HECW2: variants seen among roughly 807,000 people sequenced by gnomAD.
The protein encoded by HECW2 is HECT, C2 and WW domain containing E3 ubiquitin protein ligase 2, also known as E3 ubiquitin-protein ligase HECW2.
A neutral mutation model predicts 175.2 loss-of-function variants in HECW2; 61 were observed. That is an observed-to-expected ratio of 0.35 (90% CI 0.28 to 0.43). The LOEUF is 0.43. HECW2 is among the 20% of genes least tolerant of loss of function. The pLI is 1.00. For missense variants in HECW2, 1,524 were observed against 2,000.5 expected (o/e 0.76, Z 4.54); for synonymous variants, 671 against 731.0 (o/e 0.92, Z 1.32).
At chr2:196,331,986 T>TA (rs2105796569) in intron 4 of HECW2, among the ~76,000 whole-genome samples, 1 of 152,316 alleles carries the variant, frequency 6.6e-6, no homozygotes, top group African/African-American at 2.4e-5. Context: ...ATGGCAGCCT[T>TA]AATTTGTCCC....
intron 1 of HECW2, among the ~76,000 whole-genome samples, chr2:196,524,359 TTCTC>T (rs1433815694): frequency 1.9e-5 from 2 of 104,786 alleles, no homozygotes; most frequent in African/African-American, 1.3e-4. Flanking sequence ...TATTTGATTC[TTCTC>T]TCTTTTTTTC....
At chr2:196,447,481 A>G (rs1696220700) in intron 1 of HECW2, among the ~76,000 whole-genome samples, 2 of 152,222 alleles carry the variant, frequency 1.3e-5, no homozygotes, top group South Asian at 4.1e-4. Context: ...CTGGTAAAAG[A>G]TTCAGGAATT....
intron 15 of HECW2, among the ~76,000 whole-genome samples, chr2:196,275,606 G>A (rs1689921150): frequency 6.6e-6 from 1 of 152,122 alleles, no homozygotes; most frequent in Non-Finnish European, 1.5e-5. Flanking sequence ...ACAAAAATTA[G>A]CCGGGCGCGG....
intron 1 of HECW2, among the ~76,000 whole-genome samples, chr2:196,510,401 T>C (rs1464055111): frequency 2.0e-5 from 3 of 152,098 alleles, no homozygotes; most frequent in Non-Finnish European, 2.9e-5. Context: ...AAGAATTTCA[T>C]AGTCTTACCA....
At chr2:196,393,196 A>G (rs1163873382) in intron 2 of HECW2, among the ~76,000 whole-genome samples, 4 of 152,262 alleles carry the variant, frequency 2.6e-5, no homozygotes, top group African/African-American at 9.6e-5. Flanking sequence ...TAAAATCCCT[A>G]GAAGAAAACC....
rs200812711 is a variant in HECW2 at position 196,569,340 on chromosome 2, T to TCTAAACTAAACTAAACTAAA, written c.-36+24148_-36+24167dup. ...CTGGGTGACAGAGTGAGACACTGTC[T>TCTAAACTAAACTAAACTAAA]CTAAACTAAACTAAACTAAACTAAA... On this transcript the variant is annotated intron_variant, in intron 1 of 28. Transcript: ENST00000644978. Among the ~76,000 whole-genome samples, 146 of 149,404 alleles carry TCTAAACTAAACTAAACTAAA rather than the reference T, an allele frequency of 9.8e-4. 1 individual carries two copies. The highest frequency in any genetic ancestry group is 6.8e-3 in the Middle Eastern group (2 of 292).
chr2:196,378,767 A>G (rs1025872887), intron 2 of HECW2, among the ~76,000 whole-genome samples: 1 of 152,268 alleles, frequency 6.6e-6, no homozygotes, highest in African/African-American at 2.4e-5. Flanking sequence ...TACAAAATTC[A>G]TAATTTTTCA....
In HECW2 at chr2:196,424,148, T is replaced by C. The variant is rs72912704; in HGVS notation, c.292+8984A>G. Among the ~76,000 whole-genome samples the C allele has an allele frequency of 8.4e-3, 1,279 of 152,150 alleles. 9 individuals carry two copies. The highest frequency in any genetic ancestry group is 0.012 in the Non-Finnish European group (840 of 67,946). On this transcript the variant is annotated intron_variant, in intron 2 of 28. Coordinates refer to ENST00000644978, the MANE Select transcript of HECW2 (RefSeq NM_001348768.2). ...GCCTGTCGTGATGATCTCTGATCAGTGGTCTTTTGATGATATTATTGTAAT... is the reference window on the plus strand; with the variant it reads ...GCCTGTCGTGATGATCTCTGATCAGCGGTCTTTTGATGATATTATTGTAAT...
rs1000294842 is a variant in HECW2 at position 196,201,011 on chromosome 2, C to T, written c.*266G>A. ...GTATGGGTTCATCTTTGTCTTGGAA[C>T]ATAACAAATGGAAAAAGTTTGGCAG... On this transcript the variant is annotated 3_prime_UTR_variant, in exon 29 of 29. Transcript: ENST00000644978. 29 of 357,924 alleles carry T rather than the reference C, an allele frequency of 8.1e-5. No individual in the cohort carries two copies. Among genetic ancestry groups the T allele is most frequent in the Non-Finnish European group, 1.3e-4 (25 of 187,080 alleles). The allele number at this position is 357,924 out of a possible 1,614,324, so 22.2% of individuals were successfully genotyped here. A position where few individuals can be genotyped will look rare whatever the true frequency, so the allele number is the denominator to read the frequency against.
At position 196,205,158 on chromosome 2, in the gene HECW2, G is replaced by A. The variant is rs192997505; in HGVS notation, c.4608-3770C>T. ...AACTTTCCTTCTAATAAACTAAACA[G>A]CTCCTCTGGAAAATATTTCGCGATG... On this transcript the variant is annotated intron_variant, in intron 28 of 28. Transcript: ENST00000644978. 6.3e-3 allele frequency among the ~76,000 whole-genome samples: 960 copies of A among 152,236 alleles called. 5 individuals carry two copies. Among genetic ancestry groups the A allele is most frequent in the Admixed American group, 0.014 (207 of 15,294 alleles).
At chr2:196,500,791 T>C (rs753120840) in intron 1 of HECW2, among the ~76,000 whole-genome samples, 1 of 152,204 alleles carries the variant, frequency 6.6e-6, no homozygotes, top group Admixed American at 6.5e-5. Flanking sequence ...CACACCTCCA[T>C]TTCTTGTCTG....
chr2:196,293,042 T>C (rs1690663711), intron 13 of HECW2, among the ~76,000 whole-genome samples: 1 of 152,184 alleles, frequency 6.6e-6, no homozygotes, highest in Admixed American at 6.5e-5. Flanking sequence ...AAGAGCACGT[T>C]TGTTAAATAG....
intron 1 of HECW2, among the ~76,000 whole-genome samples, chr2:196,510,965 T>C (rs1000310080): frequency 8.6e-6 from 1 of 116,236 alleles, no homozygotes; most frequent in Non-Finnish European, 1.7e-5. Context: ...GGGTTTGCTG[T>C]TGTTTGTTTG....
At chr2:196,337,872 A>C (rs1692610922) in intron 3 of HECW2, among the ~76,000 whole-genome samples, 1 of 152,148 alleles carries the variant, frequency 6.6e-6, no homozygotes, top group Non-Finnish European at 1.5e-5. Context: ...TCCCTTCTGG[A>C]CAGCTGAAGC....
chr2:196,275,216 A>C (rs949723222), intron 15 of HECW2, among the ~76,000 whole-genome samples: 13 of 152,186 alleles, frequency 8.5e-5, no homozygotes, highest in Non-Finnish European at 1.8e-4. Flanking sequence ...AGTTAAATAC[A>C]ACCTCCTCTG....
intron 1 of HECW2, among the ~76,000 whole-genome samples, chr2:196,556,418 A>C (rs1448193658): frequency 2.0e-5 from 3 of 152,180 alleles, no homozygotes; most frequent in Non-Finnish European, 2.9e-5. Flanking sequence ...TATAACTAGA[A>C]GTGTGTACCC....
intron 1 of HECW2, among the ~76,000 whole-genome samples, chr2:196,495,393 A>G (rs915829252): frequency 7.9e-5 from 12 of 152,084 alleles, no homozygotes; most frequent in Non-Finnish European, 1.8e-4. Flanking sequence ...AAACCCTGTG[A>G]GCTGGGGGAG....
intron 16 of HECW2, 66 bp downstream of exon 16, chr2:196,273,955 G>T: frequency 1.7e-6 from 2 of 1,159,244 alleles, no homozygotes; most frequent in Non-Finnish European, 2.6e-6. Flanking sequence ...GGAAGTATCA[G>T]CACAGTGTAC....
chr2:196,244,980 T>A (rs1342045941), intron 19 of HECW2, among the ~76,000 whole-genome samples: 1 of 152,172 alleles, frequency 6.6e-6, no homozygotes, highest in African/African-American at 2.4e-5. Context: ...AGAAATTATT[T>A]TCAGAGTGTG....
Sources: allele counts gnomAD v4.1 joint callset (sites outside exome capture counted in the v4.1 genomes callset), GRCh38; gene constraint gnomAD v4.1.1; transcripts MANE v1.5; gene names NCBI Gene and HGNC (gene_info 2026-07-23, HGNC 2026-07-21).